Variants in TBL1X observed in about 807,000 individuals in gnomAD.
The protein encoded by TBL1X is transducin beta like 1 X-linked.
TBL1X carries 10 observed loss-of-function variants against 50.7 expected under a neutral mutation model. That is an observed-to-expected ratio of 0.20 (90% CI 0.12 to 0.33). The LOEUF is 0.33. TBL1X is among the 10% of genes least tolerant of loss of function. The pLI is 1.00. For synonymous variants in TBL1X, 190 were observed against 214.7 expected (o/e 0.88, Z 1.01); for missense variants, 340 against 504.4 (o/e 0.67, Z 3.12).
chrX:9,688,037 C>T lies in TBL1X; in HGVS notation c.378C>T (p.Gly126=). ...SINEDGTVFD[G]RPIESLSLID... is the part of the protein sequence containing the mutation. ...CCCAGGATGGCACAGTGTTCGACGGCCGCCCCATAGAGTCCCTGTCACTGA... is the reference window on the plus strand; with the variant it reads ...CCCAGGATGGCACAGTGTTCGACGGTCGCCCCATAGAGTCCCTGTCACTGA... Residue 126 remains glycine, a synonymous_variant, in exon 7 of 18, where the codon GGC becomes GGT. Coordinates refer to ENST00000645353, the MANE Select transcript of TBL1X (RefSeq NM_005647.4). 8.3e-7 allele frequency: 1 copy of T among 1,208,042 alleles called. No individual in the cohort carries two copies. The highest frequency in any genetic ancestry group is 1.1e-6 in the Non-Finnish European group (1 of 893,469).
At chrX:9,603,395 T>C (rs2082566454) in intron 2 of TBL1X, among the ~76,000 whole-genome samples, 1 of 112,849 alleles carries the variant, frequency 8.9e-6, no homozygotes, top group Non-Finnish European at 1.9e-5. Context: ...TGGCAGTGTG[T>C]ATATTTAGCA....
chrX:9,593,927 G>T (rs1443525279), intron 2 of TBL1X, among the ~76,000 whole-genome samples: 1 of 111,846 alleles, frequency 8.9e-6, no homozygotes, highest in Non-Finnish European at 1.9e-5. Context: ...GCTGCACTGT[G>T]TGGAGGGTTC....
rs943159278 is a variant in TBL1X at position 9,501,776 on chromosome X, C to T, written c.-200-4C>T. On this transcript the variant is annotated splice_polypyrimidine_tract_variant and splice_region_variant and intron_variant, in intron 1 of 17. Transcript: ENST00000645353. ...CACTGCTGCTATTTTACTGTTTCTT[C>T]CAGATTTCCGTGAGGGTGGAAGAAA... is the stretch of plus-strand genomic sequence containing the variant. 2 of 111,791 alleles carry T rather than the reference C, an allele frequency of 1.8e-5. No individual in the cohort carries two copies. The highest frequency in any genetic ancestry group is 6.5e-5 in the African/African-American group (2 of 30,707). The allele number at this position is 111,791 out of a possible 1,213,427, so 9.2% of individuals were successfully genotyped here. A position where few individuals can be genotyped will look rare whatever the true frequency, so the allele number is the denominator to read the frequency against.
intron 2 of TBL1X, among the ~76,000 whole-genome samples, chrX:9,529,566 C>T (rs1484975253): frequency 9.0e-6 from 1 of 111,121 alleles, no homozygotes; most frequent in Non-Finnish European, 1.9e-5. Flanking sequence ...AGCAGCTGTG[C>T]GCCTTGTTTC....
intron 2 of TBL1X, among the ~76,000 whole-genome samples, chrX:9,635,930 G>GA (rs761222940): frequency 1.6e-4 from 18 of 112,441 alleles, no homozygotes; most frequent in Non-Finnish European, 2.8e-4. Flanking sequence ...CTGCTGCCTG[G>GA]AAAAACACAA....
chrX:9,657,928 G>C (rs919955611), intron 5 of TBL1X, among the ~76,000 whole-genome samples: 1 of 112,217 alleles, frequency 8.9e-6, no homozygotes, highest in Non-Finnish European at 1.9e-5. Context: ...ATCTCATCTT[G>C]AATTGTAGCT....
chrX:9,511,584 T>C (rs760275279), intron 2 of TBL1X, among the ~76,000 whole-genome samples: 62 of 112,712 alleles, frequency 5.5e-4, no homozygotes, highest in African/African-American at 1.9e-3. Flanking sequence ...GCATTTGTCT[T>C]CCAAACATAG....
chrX:9,510,721 A>T lies in TBL1X; in HGVS notation c.-131+8872A>T, dbSNP rs191173442. Among the ~76,000 whole-genome samples the T allele has an allele frequency of 2.7e-4, 30 of 112,561 alleles. 1 individual carries two copies. The East Asian group carries it at 5.9e-3, about 22-fold the overall frequency. On this transcript the variant is annotated intron_variant, in intron 2 of 17. Coordinates refer to ENST00000645353, the MANE Select transcript of TBL1X (RefSeq NM_005647.4). ...ACTTTGAGTAAGGCAGATGACTTCC[A>T]TAATGTGGGTGGACCTCATCCAATC...
rs139909327 is a variant in TBL1X, at chrX:9,471,994, A to G, written c.-201+6547A>G. Among the ~76,000 whole-genome samples the G allele has an allele frequency of 9.8e-3, 1,089 of 111,208 alleles. 18 individuals carry two copies. The highest frequency in any genetic ancestry group is 0.034 in the African/African-American group (1,049 of 30,563). The stretch of plus-strand genomic sequence containing the variant: ...CTCCTGCCCGGTAACCTTCCCGGCC[A>G]GCTCTCCAAGACGCTGAAACCTTCC... On this transcript the variant is annotated intron_variant, in intron 1 of 17. Transcript: ENST00000645353.
intron 2 of TBL1X, among the ~76,000 whole-genome samples, chrX:9,510,620 G>A (rs940201742): frequency 8.9e-6 from 1 of 112,381 alleles, no homozygotes; most frequent in Non-Finnish European, 1.9e-5. Context: ...CTAGGCCATA[G>A]TATTCAGATA....
At position 9,705,035 on chromosome X, in the gene TBL1X, C is replaced by T; in HGVS notation, c.1157C>T (p.Ala386Val). Residue 386 changes from alanine to valine, a missense_variant, in exon 13 of 18, where the codon GCC becomes GTC. Ala to Val is a moderately conservative substitution (Grantham distance 64). Transcript: ENST00000645353. ...GACTGGCAGAACAACACGACCTTTG[C>T]CTCCTGTAGCACAGACATGTGTATC... Reference protein sequence around the residue: ...DVDWQNNTTFASCSTDMCIHV... With the variant: ...DVDWQNNTTFVSCSTDMCIHV... 4.1e-6 allele frequency: 5 copies of T among 1,212,285 alleles called. No individual in the cohort carries two copies. The highest frequency in any genetic ancestry group is 5.6e-6 in the Non-Finnish European group (5 of 895,662).
intron 2 of TBL1X, among the ~76,000 whole-genome samples, chrX:9,602,030 C>T (rs1424175178): frequency 8.9e-6 from 1 of 111,870 alleles, no homozygotes; most frequent in Non-Finnish European, 1.9e-5. Context: ...GGCAACAGGT[C>T]GAGACTGTGT....
intron 2 of TBL1X, among the ~76,000 whole-genome samples, chrX:9,578,021 A>G (rs1001160953): frequency 8.9e-6 from 1 of 112,199 alleles, no homozygotes; most frequent in African/African-American, 3.2e-5. Flanking sequence ...AATTGAATTT[A>G]GGGAAAGCTG....
intron 2 of TBL1X, among the ~76,000 whole-genome samples, chrX:9,620,490 G>C (rs1157513762): frequency 2.7e-5 from 3 of 112,374 alleles, no homozygotes; most frequent in Admixed American, 9.4e-5. Flanking sequence ...AACACATCCT[G>C]TGACAGAGAC....
intron 12 of TBL1X, among the ~76,000 whole-genome samples, chrX:9,701,174 C>T (rs189686213): frequency 4.5e-5 from 5 of 111,365 alleles, no homozygotes; most frequent in East Asian, 2.8e-4. Flanking sequence ...TACGGCTACG[C>T]GAAATGTAAC....
At chrX:9,527,290 G>A (rs751673843) in intron 2 of TBL1X, among the ~76,000 whole-genome samples, 64 of 111,895 alleles carry the variant, frequency 5.7e-4, no homozygotes, top group African/African-American at 2.0e-3. Flanking sequence ...GGACTCTTGA[G>A]AGAGAAGGAC....
intron 2 of TBL1X, among the ~76,000 whole-genome samples, chrX:9,545,672 C>T (rs1051551474): frequency 3.6e-5 from 4 of 110,844 alleles, no homozygotes; most frequent in African/African-American, 1.3e-4. Flanking sequence ...CCCTCACTCT[C>T]CTCTTCTCCT....
At chrX:9,558,465 C>T (rs759734564) in intron 2 of TBL1X, among the ~76,000 whole-genome samples, 71 of 108,695 alleles carry the variant, frequency 6.5e-4, no homozygotes, top group Non-Finnish European at 1.2e-3. Flanking sequence ...TGCAGTGAGC[C>T]GAGATCTTGC....
At chrX:9,686,204 G>A (rs1023085158) in intron 6 of TBL1X, among the ~76,000 whole-genome samples, 12 of 111,607 alleles carry the variant, frequency 1.1e-4, no homozygotes, top group African/African-American at 3.9e-4. Flanking sequence ...ACACACGTGT[G>A]TATCTAAGAG....
Sources: allele counts gnomAD v4.1 joint callset (sites outside exome capture counted in the v4.1 genomes callset), GRCh38; gene constraint gnomAD v4.1.1; transcripts MANE v1.5; gene names NCBI Gene and HGNC (gene_info 2026-07-23, HGNC 2026-07-21).